The following PRKCH variants were observed in gnomAD, a reference collection of about 807,000 sequenced individuals.
The protein encoded by PRKCH is protein kinase C eta type.
Under a neutral mutation model 82.5 loss-of-function variants are expected in PRKCH, and 28 were observed. The observed-to-expected ratio is 0.34, with a 90% CI of 0.25 to 0.47. The LOEUF (loss-of-function observed/expected upper bound fraction) is 0.47. Among genes scored for constraint, PRKCH ranks in the 20% least tolerant of loss-of-function variants. PRKCH has a pLI of 1.00. For synonymous variants in PRKCH, 322 were observed against 327.4 expected (o/e 0.98, Z 0.18); for missense variants, 705 against 881.8 (o/e 0.80, Z 2.54).
chr14:61,447,499 G>A (rs975385461), intron 4 of PRKCH, among the ~76,000 whole-genome samples: 1 of 152,070 alleles, frequency 6.6e-6, no homozygotes, highest in Non-Finnish European at 1.5e-5. Context: ...CATTCTTCTC[G>A]GGCTCACAGG....
intron 1 of PRKCH, among the ~76,000 whole-genome samples, chr14:61,202,807 G>A (rs549942303): frequency 1.2e-4 from 18 of 151,978 alleles, no homozygotes; most frequent in East Asian, 3.9e-4. Flanking sequence ...CCCCAATTTC[G>A]CCTATTATTA....
chr14:61,386,527 G>C (rs2046590619), intron 1 of PRKCH, among the ~76,000 whole-genome samples: 1 of 152,138 alleles, frequency 6.6e-6, no homozygotes, highest in African/African-American at 2.4e-5. Context: ...TACCTGCTGA[G>C]GAGCTGGGCT....
intron 10 of PRKCH, among the ~76,000 whole-genome samples, chr14:61,523,605 T>C (rs1566927569): frequency 2.0e-5 from 3 of 152,210 alleles, no homozygotes; most frequent in Admixed American, 6.5e-5. Flanking sequence ...CACTTAGCAT[T>C]TGATGAACAT....
chr14:61,190,520 A>T (rs2140031856), intron 1 of PRKCH, among the ~76,000 whole-genome samples: 1 of 152,350 alleles, frequency 6.6e-6, no homozygotes, highest in Admixed American at 6.5e-5. Flanking sequence ...AACCCCAGGA[A>T]TTCCAGATTA....
At chr14:61,209,868 C>T (rs1266829076) in intron 1 of PRKCH, among the ~76,000 whole-genome samples, 1 of 151,760 alleles carries the variant, frequency 6.6e-6, no homozygotes, top group African/African-American at 2.4e-5. Context: ...TCCATGTGCA[C>T]CCATTGTTTA....
intron 2 of PRKCH, among the ~76,000 whole-genome samples, chr14:61,393,179 T>TA (rs2046712861): frequency 6.6e-6 from 1 of 152,232 alleles, no homozygotes; most frequent in African/African-American, 2.4e-5. Context: ...TAGTGAGTCT[T>TA]ATGGTTACAT....
intron 10 of PRKCH, among the ~76,000 whole-genome samples, chr14:61,494,094 C>G (rs1886563499): frequency 6.6e-6 from 1 of 152,028 alleles, no homozygotes. Context: ...AGTGGAGATG[C>G]TCCATGGATA....
At chr14:61,447,368 C>T (rs1257436082) in intron 4 of PRKCH, among the ~76,000 whole-genome samples, 1 of 152,164 alleles carries the variant, frequency 6.6e-6, no homozygotes. Flanking sequence ...TTCAATATCT[C>T]AGTAATTGAT....
chr14:61,448,149 AATTTGGT>A (rs1884315610), intron 4 of PRKCH, among the ~76,000 whole-genome samples: 2 of 152,208 alleles, frequency 1.3e-5, no homozygotes, highest in African/African-American at 4.8e-5. Context: ...GGGCACTTTC[AATTTGGT>A]TCTCCTGAGA....
chr14:61,271,681 T>C (rs933397496), intron 1 of PRKCH, among the ~76,000 whole-genome samples: 3 of 152,184 alleles, frequency 2.0e-5, no homozygotes, highest in African/African-American at 4.8e-5. Flanking sequence ...ACCTACTTCA[T>C]AGGATTGTTG....
intron 10 of PRKCH, among the ~76,000 whole-genome samples, chr14:61,521,021 C>T (rs1088685): frequency 0.98 from 149,678 of 152,322 alleles, 73,589 homozygotes; most frequent in East Asian, 1. Flanking sequence ...TAGATTTTTA[C>T]AGTGGAATTG....
chr14:61,201,780 A>G (rs1279558941), intron 1 of PRKCH, among the ~76,000 whole-genome samples: 1 of 152,192 alleles, frequency 6.6e-6, no homozygotes, highest in Non-Finnish European at 1.5e-5. Context: ...GTAATTTTTT[A>G]AAGCACTATT....
chr14:61,542,297 A>G, intron 12 of PRKCH, among the ~76,000 whole-genome samples: 1 of 152,250 alleles, frequency 6.6e-6, no homozygotes, highest in Middle Eastern at 3.4e-3. Flanking sequence ...CATATCAAAA[A>G]AAAACAAAAC....
At chr14:61,232,972 A>G (rs940826904) in intron 1 of PRKCH, among the ~76,000 whole-genome samples, 3 of 152,212 alleles carry the variant, frequency 2.0e-5, no homozygotes, top group Admixed American at 2.0e-4. Flanking sequence ...GAGACCAAAT[A>G]TATATTTCAT....
chr14:61,497,803 G>A (rs1346568580), intron 10 of PRKCH, among the ~76,000 whole-genome samples: 1 of 152,194 alleles, frequency 6.6e-6, no homozygotes, highest in South Asian at 2.1e-4. Context: ...TGTAATGGCA[G>A]TTATGATCAG....
At chr14:61,240,780 T>C (rs1000683611) in intron 1 of PRKCH, among the ~76,000 whole-genome samples, 9 of 152,150 alleles carry the variant, frequency 5.9e-5, no homozygotes, top group Admixed American at 2.0e-4. Flanking sequence ...CAAAATCACA[T>C]GTTCCTGTGA....
In PRKCH at chr14:61,280,447, T is replaced by C. The variant is rs757898719; in HGVS notation, c.-19+92779T>C. 1.9e-6 allele frequency: 3 copies of C among 1,613,818 alleles called. No homozygotes were observed. The highest frequency in any genetic ancestry group is 1.7e-6 in the Non-Finnish European group (2 of 1,179,826). Reference sequence around the variant, plus strand: ...GTTGTTGGGGTCGGGGCTGAGCTCGTAGACTGGCCGGCGCCAGTTGGGCGG... The same window carrying C: ...GTTGTTGGGGTCGGGGCTGAGCTCGCAGACTGGCCGGCGCCAGTTGGGCGG... On this transcript the variant is annotated intron_variant, in intron 1 of 3. Transcript: ENST00000555185. The surrounding 1 kb of genome is among the most constrained non-coding windows in gnomAD (Gnocchi z 5.0).
At chr14:61,334,842 T>G (rs1161843474) in intron 1 of PRKCH, among the ~76,000 whole-genome samples, 1 of 152,044 alleles carries the variant, frequency 6.6e-6, no homozygotes, top group Non-Finnish European at 1.5e-5. Flanking sequence ...AAATGCTAGC[T>G]TTGGGTGCTT....
At chr14:61,532,088 AG>A (rs1398260512) in intron 12 of PRKCH, among the ~76,000 whole-genome samples, 16 of 152,334 alleles carry the variant, frequency 1.1e-4, no homozygotes, top group African/African-American at 3.1e-4. Flanking sequence ...TTTGTAAAAA[AG>A]CATGCCAGCC....
Sources: allele counts gnomAD v4.1 joint callset (sites outside exome capture counted in the v4.1 genomes callset), GRCh38; gene constraint gnomAD v4.1.1; non-coding constraint Gnocchi (gnomAD v3.1); transcripts MANE v1.5; gene names NCBI Gene and HGNC (gene_info 2026-07-23, HGNC 2026-07-21).